KCNIP4: variants seen among roughly 807,000 people sequenced by gnomAD.
KCNIP4 encodes Kv channel-interacting protein 4.
In KCNIP4, 12 loss-of-function variants were observed where a neutral mutation model predicts 34.0. That is an observed-to-expected ratio of 0.35 (90% CI 0.23 to 0.57). The LOEUF (loss-of-function observed/expected upper bound fraction) is 0.57, where lower values mean the gene tolerates loss of function less well. Ranked by LOEUF, KCNIP4 falls within the 20% of genes least tolerant of loss-of-function variation. The pLI, the probability that KCNIP4 is intolerant of heterozygous loss-of-function variation, is 0.83. For synonymous variants in KCNIP4, 124 were observed against 102.2 expected (o/e 1.21, Z -1.29); for missense variants, 238 against 311.7 (o/e 0.76, Z 1.78).
intron 1 of KCNIP4, among the ~76,000 whole-genome samples, chr4:21,171,520 T>TCAATA (rs2109298185): frequency 6.6e-6 from 1 of 152,290 alleles, no homozygotes; most frequent in East Asian, 1.9e-4. Flanking sequence ...ATATACTAAG[T>TCAATA]CAATATAAGT....
chr4:21,797,631 T>C (rs546322112), intron 1 of KCNIP4, among the ~76,000 whole-genome samples: 2 of 152,334 alleles, frequency 1.3e-5, no homozygotes, highest in Admixed American at 6.5e-5. Flanking sequence ...GATGTCATTG[T>C]TATATTTGGG....
At chr4:20,907,324 T>C (rs1727869867) in intron 1 of KCNIP4, among the ~76,000 whole-genome samples, 1 of 152,206 alleles carries the variant, frequency 6.6e-6, no homozygotes, top group Non-Finnish European at 1.5e-5. Flanking sequence ...AAGAGTTTTG[T>C]CTAGAAATTT....
At chr4:20,883,007 GGT>G (rs1324377153) in intron 1 of KCNIP4, among the ~76,000 whole-genome samples, 19 of 74,942 alleles carry the variant, frequency 2.5e-4, no homozygotes, top group Admixed American at 1.8e-3. Context: ...AAAATCTGGT[GGT>G]TTTTTTTTTT....
At chr4:21,005,538 TTAC>T (rs1239322364) in intron 1 of KCNIP4, among the ~76,000 whole-genome samples, 1 of 149,212 alleles carries the variant, frequency 6.7e-6, no homozygotes, top group African/African-American at 2.5e-5. Context: ...TATTTATTTA[TTAC>T]GTGAACTTCC....
intron 1 of KCNIP4, among the ~76,000 whole-genome samples, chr4:21,297,601 C>G (rs750762551): frequency 1.2e-4 from 18 of 152,082 alleles, no homozygotes; most frequent in Admixed American, 5.2e-4. Context: ...TTCATTTCGT[C>G]TCTCTGGGAC....
intron 1 of KCNIP4, chr4:21,848,944 ATATG>A (rs1177535086): frequency 5.2e-5 from 3 of 57,310 alleles, no homozygotes; most frequent in African/African-American, 1.9e-4. Flanking sequence ...TGATATACAT[ATATG>A]TGTGTGTGTG....
chr4:20,858,211 C>CAAAAAAAAAAA (rs778798968), intron 2 of KCNIP4, among the ~76,000 whole-genome samples: 3 of 70,708 alleles, frequency 4.2e-5, no homozygotes, highest in Non-Finnish European at 5.9e-5. Flanking sequence ...AACTCCATCT[C>CAAAAAAAAAAA]AAAAAAAAAA....
intron 1 of KCNIP4, among the ~76,000 whole-genome samples, chr4:21,836,914 AT>A (rs201730191): frequency 0.018 from 2,245 of 123,462 alleles, 38 homozygotes; most frequent in African/African-American, 0.07. Context: ...GCTGGGATAA[AT>A]TTTTTTTTTT....
At chr4:21,303,858 G>T in intron 1 of KCNIP4, 11 of 1,613,996 alleles carry the variant, frequency 6.8e-6, no homozygotes, top group Non-Finnish European at 9.3e-6. Context: ...TTAACAAAAA[G>T]CACAATGACG....
intron 1 of KCNIP4, among the ~76,000 whole-genome samples, chr4:21,380,511 T>C (rs551720432): frequency 2.0e-5 from 3 of 151,352 alleles, no homozygotes; most frequent in African/African-American, 7.3e-5. Flanking sequence ...TCCTATATTG[T>C]GCTTCTAGTT....
chr4:21,758,162 A>G (rs2109162464), intron 1 of KCNIP4, among the ~76,000 whole-genome samples: 1 of 152,340 alleles, frequency 6.6e-6, no homozygotes, highest in South Asian at 2.1e-4. Context: ...TCATTCAATT[A>G]AAGTTTTGGG....
chr4:21,356,045 CA>C (rs1718558094), intron 1 of KCNIP4, among the ~76,000 whole-genome samples: 1 of 152,118 alleles, frequency 6.6e-6, no homozygotes, highest in African/African-American at 2.4e-5. Context: ...GAACCAACGA[CA>C]AAAACCACGA....
At chr4:21,094,945 C>T (rs1747333066) in intron 1 of KCNIP4, among the ~76,000 whole-genome samples, 1 of 152,134 alleles carries the variant, frequency 6.6e-6, no homozygotes, top group South Asian at 2.1e-4. Context: ...GAGTCCTTAA[C>T]CTTTACATGA....
At chr4:21,738,853 A>G (rs1210853863) in intron 1 of KCNIP4, among the ~76,000 whole-genome samples, 3 of 152,180 alleles carry the variant, frequency 2.0e-5, no homozygotes, top group East Asian at 1.9e-4. Flanking sequence ...CATAAGATAT[A>G]TAGACATACA....
chr4:21,932,811 A>G (rs962916840), intron 1 of KCNIP4, among the ~76,000 whole-genome samples: 2 of 152,080 alleles, frequency 1.3e-5, no homozygotes, highest in African/African-American at 2.4e-5. Flanking sequence ...ATTATCTAAG[A>G]AAAAAAGGAG....
intron 1 of KCNIP4, among the ~76,000 whole-genome samples, chr4:21,019,768 T>A (rs999788193): frequency 1.3e-5 from 2 of 152,208 alleles, no homozygotes; most frequent in Non-Finnish European, 2.9e-5. Context: ...TTGCCATTAC[T>A]TTATTAGAAT....
At chr4:20,785,271 C>A (rs542808016) in intron 3 of KCNIP4, among the ~76,000 whole-genome samples, 1 of 152,066 alleles carries the variant, frequency 6.6e-6, no homozygotes, top group African/African-American at 2.4e-5. Flanking sequence ...TGCCACTTTC[C>A]CTACAGATCA....
At chr4:21,040,164 C>T (rs865980816) in intron 1 of KCNIP4, among the ~76,000 whole-genome samples, 6 of 152,278 alleles carry the variant, frequency 3.9e-5, no homozygotes, top group South Asian at 2.1e-4. Flanking sequence ...ACATATGGTA[C>T]AATTCAAGAT....
chr4:20,917,902 T>A (rs1729008080), intron 1 of KCNIP4, among the ~76,000 whole-genome samples: 2 of 152,160 alleles, frequency 1.3e-5, no homozygotes, highest in Non-Finnish European at 2.9e-5. Flanking sequence ...AGACCTTTTG[T>A]TTTAACGTGT....
Sources: allele counts gnomAD v4.1 joint callset (sites outside exome capture counted in the v4.1 genomes callset), GRCh38; gene constraint gnomAD v4.1.1; transcripts MANE v1.5; gene names NCBI Gene and HGNC (gene_info 2026-07-23, HGNC 2026-07-21).